ACSS1: variants seen among roughly 807,000 people sequenced by gnomAD.
ACSS1 encodes acetyl-coenzyme A synthetase 2-like, mitochondrial.
In ACSS1, 42 loss-of-function variants were observed where a neutral mutation model predicts 75.3. The ratio of observed to expected loss-of-function variants is 0.56; its 90% CI spans 0.44 to 0.72. The LOEUF (loss-of-function observed/expected upper bound fraction) is 0.72. Among genes scored for constraint, ACSS1 ranks in the 30% least tolerant of loss-of-function variants. The pLI, the probability that ACSS1 is intolerant of heterozygous loss-of-function variation, is 0.00. For missense variants in ACSS1, 782 were observed against 935.7 expected (o/e 0.84, Z 2.14); for synonymous variants, 380 against 376.8 (o/e 1.01, Z -0.10).
At chr20:25,020,241 G>T in intron 6 of ACSS1, 94 bp from the exon 7 acceptor site, 1 of 1,533,502 alleles carries the variant, frequency 6.5e-7, no homozygotes, top group Non-Finnish European at 8.9e-7. Context: ...TGCTGGGCAT[G>T]TGCAGACGCG....
chr20:25,057,965 G>C lies in ACSS1; in HGVS notation c.138C>G (p.Pro46=). 3 of 1,584,976 alleles carry C rather than the reference G, an allele frequency of 1.9e-6. No homozygotes were observed. Among genetic ancestry groups the C allele is most frequent in the South Asian group, 2.3e-5 (2 of 88,424 alleles). ...RAASGPSGSA[P]AVAAAAAQPG... ...GCTGTGCTGCTGCTGCTGCAACTGC[G>C]GGAGCGCTGCCCGAGGGTCCCGAGG... The change falls in exon 1 of 14, where the codon CCC becomes CCG. Residue 46 remains proline (P), a synonymous_variant. Coordinates refer to ENST00000323482, the MANE Select transcript of ACSS1 (RefSeq NM_032501.4).
intron 2 of ACSS1, among the ~76,000 whole-genome samples, chr20:25,044,573 A>AGTGTAGTGGT (rs1158303253): frequency 1.3e-5 from 2 of 152,176 alleles, no homozygotes. Context: ...TGACAGTACC[A>AGTGTAGTGGT]CTACACTCCA....
In ACSS1 at chr20:25,012,560, G is replaced by A. The variant is rs560882938; in HGVS notation, c.1771+41C>T. The A allele has an allele frequency of 5.6e-6, 9 of 1,610,930 alleles. 1 individual carries two copies. In the South Asian group the frequency reaches 6.6e-5, roughly 12 times the overall value. ...TACAGAGGTGCCCATAATGGGTGTG[G>A]GGTCAGGAATCAGGGAGGAGCTCAT... On this transcript the variant is annotated intron_variant, in intron 12 of 13. Coordinates refer to ENST00000323482, the MANE Select transcript of ACSS1 (RefSeq NM_032501.4).
At chr20:25,013,928 C>T (rs767492073) in intron 9 of ACSS1, 33 bp downstream of exon 9, 2 of 1,591,108 alleles carry the variant, frequency 1.3e-6, no homozygotes, top group East Asian at 2.2e-5. Context: ...AGGGCAAGCA[C>T]ATGACCCCCA....
intron 2 of ACSS1, among the ~76,000 whole-genome samples, chr20:25,035,988 T>G (rs1300054947): frequency 6.6e-6 from 1 of 152,236 alleles, no homozygotes; most frequent in Non-Finnish European, 1.5e-5. Context: ...TGGGCTACAG[T>G]TGCAGGAAAC....
At chr20:25,047,320 G>C (rs2089109832) in intron 2 of ACSS1, among the ~76,000 whole-genome samples, 2 of 152,150 alleles carry the variant, frequency 1.3e-5, no homozygotes. Flanking sequence ...CACCAGGTCT[G>C]CCCCTGTCTT....
chr20:25,050,235 G>A (rs2089157150), intron 1 of ACSS1, among the ~76,000 whole-genome samples: 1 of 152,074 alleles, frequency 6.6e-6, no homozygotes, highest in Non-Finnish European at 1.5e-5. Flanking sequence ...TCACATGAAA[G>A]CCATGGACTT....
At chr20:25,056,457 T>G (rs7271250) in intron 1 of ACSS1, among the ~76,000 whole-genome samples, 9,761 of 152,014 alleles carry the variant, frequency 0.064, 1,073 homozygotes, top group African/African-American at 0.22. Flanking sequence ...TTTCGGGGAG[T>G]GGGGGAGGTC....
intron 2 of ACSS1, among the ~76,000 whole-genome samples, chr20:25,040,185 A>T (rs2088978144): frequency 6.6e-6 from 1 of 151,628 alleles, no homozygotes; most frequent in Admixed American, 6.6e-5. Context: ...TTCAGGTCCC[A>T]CTCCAAGTTT....
intron 8 of ACSS1, among the ~76,000 whole-genome samples, chr20:25,014,410 T>C (rs146295986): frequency 1.4e-3 from 217 of 152,324 alleles, no homozygotes; most frequent in African/African-American, 5.0e-3. Context: ...CAGCGCCCAT[T>C]TGACATGAAC....
intron 2 of ACSS1, among the ~76,000 whole-genome samples, chr20:25,042,141 G>GCTGCAGTCACTTCA (rs2122729148): frequency 6.6e-6 from 1 of 152,302 alleles, no homozygotes; most frequent in Admixed American, 6.5e-5. Context: ...GGGTCACTGT[G>GCTGCAGTCACTTCA]CTGCAGTCTG....
chr20:25,023,762 A>G (rs868127780), intron 3 of ACSS1, 121 bp from the exon 4 acceptor site: 1 of 980,996 alleles, frequency 1.0e-6, no homozygotes, highest in Middle Eastern at 2.2e-4. Flanking sequence ...TCTTGAGTAA[A>G]AGACTCAATG....
intron 5 of ACSS1, among the ~76,000 whole-genome samples, chr20:25,022,510 C>T (rs2088640834): frequency 6.6e-6 from 1 of 152,242 alleles, no homozygotes; most frequent in Admixed American, 6.5e-5. Flanking sequence ...TCAAGACATG[C>T]TGGACGGGGC....
At position 25,057,619 on chromosome 20, in the gene ACSS1, G is replaced by C. The variant is rs1435951316; in HGVS notation, c.334+150C>G. The C allele has an allele frequency of 8.9e-6, 6 of 677,804 alleles. No homozygotes were observed. In the African/African-American group the frequency reaches 1.1e-4, roughly 13 times the overall value. The allele number at this position is 677,804 out of a possible 1,614,324, so 42.0% of individuals were successfully genotyped here. On this transcript the variant is annotated intron_variant, in intron 1 of 13. Coordinates refer to ENST00000323482, the MANE Select transcript of ACSS1 (RefSeq NM_032501.4). Reference sequence around the variant, plus strand: ...CGGGGTGACGTGGAGCCACTGCTTAGAGCGGGCGGGGCGGACGGAATACCG... The same window carrying C: ...CGGGGTGACGTGGAGCCACTGCTTACAGCGGGCGGGGCGGACGGAATACCG...
intron 2 of ACSS1, among the ~76,000 whole-genome samples, chr20:25,042,766 G>A (rs966665578): frequency 6.6e-6 from 1 of 152,098 alleles, no homozygotes; most frequent in Non-Finnish European, 1.5e-5. Context: ...CTCGGCCCCA[G>A]CAGCCATGGG....
intron 7 of ACSS1, among the ~76,000 whole-genome samples, chr20:25,016,652 C>T (rs978500483): frequency 4.6e-5 from 7 of 152,244 alleles, no homozygotes; most frequent in African/African-American, 1.4e-4. Context: ...TGTGTCACAC[C>T]TGCACTCAGA....
rs767043863 is a variant in ACSS1, at chr20:25,030,740, C to T, written c.631+19G>A. 1.9e-6 allele frequency: 3 copies of T among 1,613,454 alleles called. No homozygotes were observed. In the South Asian group the frequency reaches 3.3e-5, roughly 18 times the overall value. On this transcript the variant is annotated intron_variant, in intron 3 of 13. Transcript: ENST00000323482. ...CAGGGAACTCCAGGGTTCCTCCCTCCCCATGCCCACCTCCTCACCATCATT... is the reference window on the plus strand; with the variant it reads ...CAGGGAACTCCAGGGTTCCTCCCTCTCCATGCCCACCTCCTCACCATCATT...
chr20:25,032,374 A>T (rs1010707997), intron 2 of ACSS1: 1 of 1,369,170 alleles, frequency 7.3e-7, no homozygotes, highest in Non-Finnish European at 9.5e-7. Context: ...CTTGCCGGCC[A>T]TGCGGTGCGA....
intron 12 of ACSS1, chr20:25,009,904 G>A (rs1409102150): frequency 1.3e-5 from 2 of 154,568 alleles, no homozygotes; most frequent in African/African-American, 4.8e-5. Flanking sequence ...TCAGCACCAT[G>A]AGCAGCCAGA....
Sources: allele counts gnomAD v4.1 joint callset (sites outside exome capture counted in the v4.1 genomes callset), GRCh38; gene constraint gnomAD v4.1.1; transcripts MANE v1.5; gene names NCBI Gene and HGNC (gene_info 2026-07-23, HGNC 2026-07-21).